ZNF831: variants seen among roughly 807,000 people sequenced by gnomAD.
ZNF831 encodes the protein zinc finger protein 831, also known as chromosome 20 open reading frame 174.
Under a neutral mutation model 95.8 loss-of-function variants are expected in ZNF831, and 59 were observed. That is an observed-to-expected ratio of 0.62 (90% CI 0.50 to 0.77). The LOEUF is 0.77. ZNF831 is among the 30% of genes least tolerant of loss of function. The pLI is 0.00. For synonymous variants in ZNF831, 961 were observed against 925.5 expected (o/e 1.04, Z -0.70); for missense variants, 2,205 against 2,164.0 (o/e 1.02, Z -0.38).
At position 59,194,498 on chromosome 20, in the gene ZNF831, G is replaced by A. The variant is rs147911723; in HGVS notation, c.3479G>A (p.Arg1160Gln). Reference sequence around the variant, plus strand: ...TTGTCTTCCCACTCAGGGACGTCCCGGAGCCACAGCACCCGCAGTCCCCAC... The same window carrying A: ...TTGTCTTCCCACTCAGGGACGTCCCAGAGCCACAGCACCCGCAGTCCCCAC... Reference protein sequence around the residue: ...LALSSHSGTSRSHSTRSPHST... With the variant: ...LALSSHSGTSQSHSTRSPHST... The change falls in exon 2 of 6, where the codon CGG becomes CAG. Residue 1160 changes from arginine (R) to glutamine (Q), a missense_variant. By Grantham distance (43) the Arg-to-Gln change is conservative. Coordinates refer to ENST00000371030, the MANE Select transcript of ZNF831 (RefSeq NM_178457.3). 4.1e-4 allele frequency: 653 copies of A among 1,611,662 alleles called. 3 individuals carry two copies. In the East Asian group the frequency reaches 0.013, roughly 32 times the overall value.
At chr20:59,131,553 C>T (rs746948278) in intron 1 of ZNF831, among the ~76,000 whole-genome samples, 68 of 152,318 alleles carry the variant, frequency 4.5e-4, no homozygotes, top group East Asian at 9.6e-4. Context: ...CCTACTCTGC[C>T]CTGCACCCCA....
At chr20:59,232,590 G>A (rs1364244768) in intron 4 of ZNF831, among the ~76,000 whole-genome samples, 2 of 152,042 alleles carry the variant, frequency 1.3e-5, no homozygotes, top group Non-Finnish European at 2.9e-5. Context: ...TCTCTGTGCA[G>A]GGATTGTATT....
chr20:59,124,725 T>G lies in ZNF831; in HGVS notation c.-1425+1220T>G, dbSNP rs558299190. ...TCAGGTCACCTCTCTGAACCTCAGA[T>G]CTCTCTCGTGTAAGGGGCTGGCCCC... On this transcript the variant is annotated intron_variant, in intron 1 of 7. Transcript: ENST00000637017. Among the ~76,000 whole-genome samples, 33 of 152,318 alleles carry G rather than the reference T, an allele frequency of 2.2e-4. No individual in the cohort carries two copies. The South Asian group carries it at 6.8e-3, about 32-fold the overall frequency.
chr20:59,252,870 G>A (rs1987965582), intron 4 of ZNF831, 108 bp from the exon 5 acceptor site: 18 of 1,194,292 alleles, frequency 1.5e-5, no homozygotes, highest in African/African-American at 4.6e-5. Flanking sequence ...TGAGATGAGG[G>A]TTAATGAGCT....
In ZNF831 at chr20:59,192,027, G is replaced by C. The variant is rs777312161; in HGVS notation, c.1008G>C (p.Leu336=). ...PWDAKAPEGR[L]RKCESTDSGY... is the part of the protein sequence containing the mutation. ...ATGCCAAGGCCCCCGAGGGCCGGCT[G>C]CGGAAGTGTGAGAGCACCGACTCGG... is the stretch of plus-strand genomic sequence containing the variant. The change falls in exon 2 of 6, where the codon CTG becomes CTC. Residue 336 remains leucine (L), a synonymous_variant. Coordinates refer to ENST00000371030, the MANE Select transcript of ZNF831 (RefSeq NM_178457.3). This position sits in a 1 kb window ranked among gnomAD's most constrained non-coding sequence, Gnocchi z 5.2. 5.0e-6 allele frequency: 8 copies of C among 1,609,180 alleles called. No homozygotes were observed. Among genetic ancestry groups the C allele is most frequent in the Non-Finnish European group, 6.8e-6 (8 of 1,179,240 alleles).
At chr20:59,185,629 C>T (rs574002226) in intron 1 of ZNF831, among the ~76,000 whole-genome samples, 4 of 152,142 alleles carry the variant, frequency 2.6e-5, no homozygotes, top group South Asian at 2.1e-4. Context: ...CGTCCTGCAG[C>T]GAGAGCTCTG....
At chr20:59,139,095 TTCTC>T (rs1452090751) in intron 1 of ZNF831, among the ~76,000 whole-genome samples, 2 of 152,342 alleles carry the variant, frequency 1.3e-5, no homozygotes, top group African/African-American at 2.4e-5. Flanking sequence ...AATAAAGTGT[TTCTC>T]TATCTCTGTA....
chr20:59,191,511 G>A lies in ZNF831; in HGVS notation c.492G>A (p.Arg164=), dbSNP rs769998569. ...CCAGTGTTCTAGAGAAGCACATCCGGTCCCACACGGGTGAGAGGCCCTTCC... is the reference window on the plus strand; with the variant it reads ...CCAGTGTTCTAGAGAAGCACATCCGATCCCACACGGGTGAGAGGCCCTTCC... The part of the protein sequence containing the change: ...LKPSVLEKHI[R]SHTGERPFPC... The change falls in exon 2 of 6, where the codon CGG becomes CGA. Residue 164 remains arginine (R), a synonymous_variant. Coordinates refer to ENST00000371030, the MANE Select transcript of ZNF831 (RefSeq NM_178457.3). The A allele has an allele frequency of 6.2e-7, 1 of 1,613,010 alleles. No individual in the cohort carries two copies. The highest frequency in any genetic ancestry group is 8.5e-7 in the Non-Finnish European group (1 of 1,180,010).
At chr20:59,246,069 G>A (rs1248943074) in intron 4 of ZNF831, among the ~76,000 whole-genome samples, 1 of 152,006 alleles carries the variant, frequency 6.6e-6, no homozygotes. Context: ...TGTTCATCAC[G>A]GGCCTGGGCC....
chr20:59,207,942 C>T lies in ZNF831; in HGVS notation c.4027+886C>T, dbSNP rs1041459357. Among the ~76,000 whole-genome samples, 24 of 152,192 alleles carry T rather than the reference C, an allele frequency of 1.6e-4. 1 individual carries two copies. The East Asian group carries it at 2.5e-3, about 16-fold the overall frequency. ...CCTCCACCTTTGTGTAGCTCCAGTGCCCCCTACAGGCAGATGGCACTTGAG... is the reference window on the plus strand; with the variant it reads ...CCTCCACCTTTGTGTAGCTCCAGTGTCCCCTACAGGCAGATGGCACTTGAG... On this transcript the variant is annotated intron_variant, in intron 4 of 5. Transcript: ENST00000371030.
At chr20:59,157,395 G>A (rs936773022) in intron 2 of ZNF831, among the ~76,000 whole-genome samples, 4 of 152,196 alleles carry the variant, frequency 2.6e-5, no homozygotes, top group African/African-American at 9.7e-5. Flanking sequence ...TCTTTCCTCC[G>A]GCTGTGGATG....
At chr20:59,151,475 C>T (rs530024959) in intron 2 of ZNF831, among the ~76,000 whole-genome samples, 3 of 152,316 alleles carry the variant, frequency 2.0e-5, no homozygotes, top group South Asian at 4.1e-4. Context: ...TTAATTCTCC[C>T]ATGTGCCTGG....
intron 4 of ZNF831, among the ~76,000 whole-genome samples, chr20:59,248,427 T>G (rs1987723163): frequency 6.6e-6 from 1 of 152,242 alleles, no homozygotes; most frequent in Admixed American, 6.5e-5. Context: ...TGAGCATTTT[T>G]CACAATTATT....
Position 59,257,949 on chromosome 20 carries a change from G to C in ZNF831, c.*3206G>C, listed in dbSNP as rs1988258409. 1 of 152,164 alleles carries C rather than the reference G, an allele frequency of 6.6e-6. No individual in the cohort carries two copies. Among genetic ancestry groups the C allele is most frequent in the South Asian group, 2.1e-4 (1 of 4,838 alleles). 9.4% of individuals were successfully genotyped at this position (152,164 alleles called of 1,614,324 possible). A position where few individuals can be genotyped will look rare whatever the true frequency, so the allele number is the denominator to read the frequency against. ...ATCTTGTCGTTAAAGATGTATGGAG[G>C]GAAGAGGTTTCAATCCTTCCCTCCT... On this transcript the variant is annotated 3_prime_UTR_variant, in exon 6 of 6. Transcript: ENST00000371030.
chr20:59,191,167 C>T lies in ZNF831; in HGVS notation c.148C>T (p.Pro50Ser), dbSNP rs553290407. Residue 50 changes from proline to serine, a missense_variant, in exon 2 of 6, where the codon CCC becomes TCC. Transcript: ENST00000371030. ...TCTGCCGCCAGAGCAGGGCCTGGCC[C>T]CCCCCACTGTGTTCCTGAAGGCCCT... ...VLLPPEQGLA[P>S]PTVFLKALPI... 4.1e-5 allele frequency: 66 copies of T among 1,602,196 alleles called. No homozygotes were observed. The East Asian group carries it at 1.4e-3, about 34-fold the overall frequency.
Position 59,170,561 on chromosome 20 carries a change from A to G in ZNF831, c.-37+6354A>G, listed in dbSNP as rs150369330. 5.0e-3 allele frequency among the ~76,000 whole-genome samples: 764 copies of G among 152,296 alleles called. 2 individuals are homozygous for G. The highest frequency in any genetic ancestry group is 0.017 in the Middle Eastern group (5 of 294). ...GATTTTATGGCCTGGAATGTGGTCT[A>G]TCTTGATGTAGCAGTCTGGGTCCAA... On this transcript the variant is annotated intron_variant, in intron 1 of 5. Transcript: ENST00000371030.
intron 4 of ZNF831, among the ~76,000 whole-genome samples, chr20:59,227,445 A>G (rs537051335): frequency 2.0e-5 from 3 of 152,328 alleles, no homozygotes; most frequent in African/African-American, 7.2e-5. Flanking sequence ...CTCAGATGTA[A>G]CATTTGGAAA....
At chr20:59,176,494 G>A (rs1171548665) in intron 1 of ZNF831, among the ~76,000 whole-genome samples, 3 of 152,168 alleles carry the variant, frequency 2.0e-5, no homozygotes, top group Admixed American at 2.0e-4. Context: ...ATCCCATTGA[G>A]AGATGGAGAA....
rs966239867 is a variant in ZNF831 at position 59,257,480 on chromosome 20, G to A, written c.*2737G>A. 6.6e-6 allele frequency: 1 copy of A among 151,536 alleles called. No individual in the cohort carries two copies. The highest frequency in any genetic ancestry group is 2.4e-5 in the African/African-American group (1 of 41,194). 9.4% of individuals were successfully genotyped at this position (151,536 alleles called of 1,614,324 possible). ...TTTTATAAATCTTAATTTTCCTATGGGTTTTCTTAAAGTGAAATACAATTA... is the reference window on the plus strand; with the variant it reads ...TTTTATAAATCTTAATTTTCCTATGAGTTTTCTTAAAGTGAAATACAATTA... On this transcript the variant is annotated 3_prime_UTR_variant, in exon 6 of 6. Coordinates refer to ENST00000371030, the MANE Select transcript of ZNF831 (RefSeq NM_178457.3).
Sources: allele counts gnomAD v4.1 joint callset (sites outside exome capture counted in the v4.1 genomes callset), GRCh38; gene constraint gnomAD v4.1.1; non-coding constraint Gnocchi (gnomAD v3.1); transcripts MANE v1.5; gene names NCBI Gene and HGNC (gene_info 2026-07-23, HGNC 2026-07-21).